NGLY1: variants seen among roughly 807,000 people sequenced by gnomAD.
The protein encoded by NGLY1 is N-glycanase 1.
In NGLY1, 68 loss-of-function variants were observed where a neutral mutation model predicts 84.6. That is an observed-to-expected ratio of 0.80 (90% CI 0.66 to 0.98). The LOEUF (loss-of-function observed/expected upper bound fraction) is 0.98, where lower values mean the gene tolerates loss of function less well. Ranked by LOEUF, NGLY1 falls within the 50% of genes least tolerant of loss-of-function variation. NGLY1 has a pLI of 0.00. For missense variants in NGLY1, 779 were observed against 770.2 expected (o/e 1.01, Z -0.14); for synonymous variants, 280 against 275.2 (o/e 1.02, Z -0.17).
intron 3 of NGLY1, among the ~76,000 whole-genome samples, chr3:25,760,277 T>C (rs1356242264): frequency 6.6e-6 from 1 of 152,052 alleles, no homozygotes; most frequent in Non-Finnish European, 1.5e-5. Flanking sequence ...TATATATGTA[T>C]GTGTGTGTGT....
At chr3:25,755,230 T>G (rs1706979197) in intron 3 of NGLY1, 2 of 1,371,410 alleles carry the variant, frequency 1.5e-6, no homozygotes, top group Admixed American at 1.7e-5. Flanking sequence ...ATCAAACCCC[T>G]TTGCCACTGA....
intron 7 of NGLY1, 63 bp from the exon 8 acceptor site, chr3:25,734,045 A>C: frequency 6.3e-7 from 1 of 1,582,020 alleles, no homozygotes; most frequent in Non-Finnish European, 8.6e-7. Flanking sequence ...TTACTTACTA[A>C]ATACCTAGAA....
chr3:25,731,056 A>T (rs1468761400), intron 9 of NGLY1, among the ~76,000 whole-genome samples: 1 of 152,086 alleles, frequency 6.6e-6, no homozygotes, highest in East Asian at 1.9e-4. Context: ...TTATATTTCC[A>T]TTGTTATTTA....
chr3:25,731,072 G>C (rs1705515510), intron 9 of NGLY1, among the ~76,000 whole-genome samples: 1 of 151,790 alleles, frequency 6.6e-6, no homozygotes, highest in African/African-American at 2.4e-5. Context: ...ATTTAATTTT[G>C]GAAGATTAAT....
At chr3:25,785,751 G>A (rs376785239), upstream of NGLY1, among the ~76,000 whole-genome samples, 2 of 152,184 alleles carry the variant, frequency 1.3e-5, no homozygotes, top group East Asian at 3.8e-4. Flanking sequence ...TATTGAAGCA[G>A]AGGTGTCAAG....
At chr3:25,732,267 G>C in intron 9 of NGLY1, 52 bp downstream of exon 9, 3 of 1,550,326 alleles carry the variant, frequency 1.9e-6, no homozygotes, top group Non-Finnish European at 2.7e-6. Flanking sequence ...GAAGAGCATA[G>C]TATATGAAGC....
At chr3:25,764,450 A>T (rs1382529527) in intron 2 of NGLY1, 139 bp from the exon 3 acceptor site, 67 of 971,362 alleles carry the variant, frequency 6.9e-5, no homozygotes, top group Non-Finnish European at 8.9e-5. Flanking sequence ...TCTTACCATT[A>T]TGGTTCTTTT....
chr3:25,764,273 C>T lies in NGLY1; in HGVS notation c.285G>A (p.Val95=). ...THLIFPKKAS[V]EQLQKIRDLI... Reference sequence around the variant, plus strand: ...GGTCACGAATTTTTTGCAGCTGCTCCACTGAAGCTTTTTTAGGAAAGATGA... The same window carrying T: ...GGTCACGAATTTTTTGCAGCTGCTCTACTGAAGCTTTTTTAGGAAAGATGA... Residue 95 remains valine, a synonymous_variant, in exon 3 of 12, where the codon GTG becomes GTA. Transcript: ENST00000280700. 1 of 1,614,030 alleles carries T rather than the reference C, an allele frequency of 6.2e-7. No individual in the cohort carries two copies.
At chr3:25,762,793 A>C (rs950712822) in intron 3 of NGLY1, among the ~76,000 whole-genome samples, 4 of 152,242 alleles carry the variant, frequency 2.6e-5, no homozygotes, top group Admixed American at 2.6e-4. Flanking sequence ...TCTCTACTAA[A>C]AACACAAAAA....
intron 2 of NGLY1, among the ~76,000 whole-genome samples, chr3:25,773,304 C>T (rs917168385): frequency 6.6e-6 from 1 of 151,978 alleles, no homozygotes; most frequent in Non-Finnish European, 1.5e-5. Context: ...TCCCAAACTT[C>T]CTTGGGGCTT....
chr3:25,766,033 T>C (rs1169052380), intron 2 of NGLY1, among the ~76,000 whole-genome samples: 3 of 151,788 alleles, frequency 2.0e-5, no homozygotes, highest in Admixed American at 6.6e-5. Flanking sequence ...TCTCAAGTAA[T>C]ACAACTACCC....
chr3:25,730,393 A>T (rs191235557), intron 9 of NGLY1: 73 of 152,260 alleles, frequency 4.8e-4, no homozygotes, highest in South Asian at 1.2e-3. Context: ...GCAATTAAGA[A>T]ACTTAAAAAA....
chr3:25,749,457 C>G, intron 4 of NGLY1: 1 of 1,233,070 alleles, frequency 8.1e-7, no homozygotes, highest in Non-Finnish European at 1.2e-6. Context: ...GCACTGCCTA[C>G]AGAGGTGGCA....
At chr3:25,777,304 A>G (rs1331985780) in intron 2 of NGLY1, among the ~76,000 whole-genome samples, 1 of 151,114 alleles carries the variant, frequency 6.6e-6, no homozygotes, top group Non-Finnish European at 1.5e-5. Context: ...CTGAGGCAGG[A>G]GAATCGCTTG....
At position 25,737,287 on chromosome 3, in the gene NGLY1, C is replaced by T. The variant is rs1705877882; in HGVS notation, c.1003+47G>A. The T allele has an allele frequency of 2.0e-6, 3 of 1,498,764 alleles. No individual in the cohort carries two copies. In the East Asian group the frequency reaches 7.0e-5, roughly 35 times the overall value. 92.8% of individuals were successfully genotyped at this position (1,498,764 alleles called of 1,614,324 possible). ...GGCTCAGAATGTAAACCCAAACCTGCAAGCCTGCAAAGCCCTACTACCCTC... is the reference window on the plus strand; with the variant it reads ...GGCTCAGAATGTAAACCCAAACCTGTAAGCCTGCAAAGCCCTACTACCCTC... On this transcript the variant is annotated intron_variant, in intron 6 of 11. Coordinates refer to ENST00000280700, the MANE Select transcript of NGLY1 (RefSeq NM_018297.4).
intron 2 of NGLY1, among the ~76,000 whole-genome samples, chr3:25,773,452 G>A (rs1263302877): frequency 6.6e-6 from 1 of 152,114 alleles, no homozygotes; most frequent in Non-Finnish European, 1.5e-5. Flanking sequence ...TTCCCTAGGT[G>A]TGTTCTTCAC....
intron 10 of NGLY1, among the ~76,000 whole-genome samples, chr3:25,726,233 T>G (rs1705254531): frequency 6.6e-6 from 1 of 152,286 alleles, no homozygotes; most frequent in Admixed American, 6.5e-5. Context: ...GCCACGTACA[T>G]TTTTACATTC....
chr3:25,733,475 G>A (rs1236182856), intron 8 of NGLY1, among the ~76,000 whole-genome samples: 1,086 of 104,232 alleles, frequency 0.01, 24 homozygotes, highest in African/African-American at 0.038. Context: ...ACGTGTGTGT[G>A]TGTGTGTGTG....
chr3:25,742,379 A>G (rs1706192177), intron 4 of NGLY1, among the ~76,000 whole-genome samples: 1 of 152,206 alleles, frequency 6.6e-6, no homozygotes, highest in South Asian at 2.1e-4. Context: ...ATGGAGTTAA[A>G]AAGCTGTCCA....
Sources: allele counts gnomAD v4.1 joint callset (sites outside exome capture counted in the v4.1 genomes callset), GRCh38; gene constraint gnomAD v4.1.1; transcripts MANE v1.5; gene names NCBI Gene and HGNC (gene_info 2026-07-23, HGNC 2026-07-21).